The following SLC25A48 variants were observed in gnomAD, a reference collection of about 807,000 sequenced individuals.
SLC25A48 encodes CTC-321K16.1.
SLC25A48 carries 29 observed loss-of-function variants against 32.2 expected under a neutral mutation model. The ratio of observed to expected loss-of-function variants is 0.90; its 90% CI spans 0.67 to 1.23. The LOEUF is 1.23. Among genes scored for constraint, SLC25A48 ranks in the 50% most tolerant of loss-of-function variants. The probability of loss-of-function intolerance (pLI) is 0.00; values close to 1 mark genes in which losing one functional copy is unlikely to be tolerated. For missense variants in SLC25A48, 399 were observed against 422.7 expected, an observed-to-expected ratio of 0.94 and a Z score of 0.49; for synonymous variants, 164 against 172.3, an observed-to-expected ratio of 0.95 and a Z score of 0.38.
intron 3 of SLC25A48, among the ~76,000 whole-genome samples, chr5:135,738,458 T>C (rs1755428250): frequency 1.3e-5 from 2 of 152,178 alleles, no homozygotes; most frequent in Non-Finnish European, 2.9e-5. Flanking sequence ...TGACATTTGC[T>C]GCAGAAGGTG....
chr5:135,801,989 C>T (rs1757341378), intron 3 of SLC25A48, among the ~76,000 whole-genome samples: 1 of 151,586 alleles, frequency 6.6e-6, no homozygotes, highest in African/African-American at 2.4e-5. Flanking sequence ...TTATATTGTT[C>T]ATAATATCCA....
intron 3 of SLC25A48, among the ~76,000 whole-genome samples, chr5:135,702,503 C>CT (rs1754417060): frequency 6.6e-6 from 1 of 152,238 alleles, no homozygotes; most frequent in Non-Finnish European, 1.5e-5. Flanking sequence ...GAACACGGCC[C>CT]TGCCAATCCC....
chr5:135,664,096 C>T (rs1344995940), intron 3 of SLC25A48, among the ~76,000 whole-genome samples: 6 of 152,186 alleles, frequency 3.9e-5, no homozygotes, highest in Admixed American at 6.5e-5. Flanking sequence ...ATCCCATTGC[C>T]CACTGAATAA....
At chr5:135,800,512 G>A (rs527752847) in intron 3 of SLC25A48, among the ~76,000 whole-genome samples, 11 of 151,300 alleles carry the variant, frequency 7.3e-5, no homozygotes, top group South Asian at 6.3e-4. Flanking sequence ...TTTCAACATC[G>A]CAGGGGGTGT....
At chr5:135,867,394 A>T (rs1483201138) in intron 4 of SLC25A48, among the ~76,000 whole-genome samples, 1 of 152,190 alleles carries the variant, frequency 6.6e-6, no homozygotes, top group Non-Finnish European at 1.5e-5. Flanking sequence ...ATCAGCTTTT[A>T]AGAGTCATCA....
At chr5:135,724,521 T>C (rs1381642647) in intron 3 of SLC25A48, among the ~76,000 whole-genome samples, 1 of 152,198 alleles carries the variant, frequency 6.6e-6, no homozygotes, top group Non-Finnish European at 1.5e-5. Context: ...CGTCTCTCTT[T>C]GGGTAGAAAA....
At chr5:135,744,286 T>C (rs1293606764) in intron 3 of SLC25A48, among the ~76,000 whole-genome samples, 2 of 152,156 alleles carry the variant, frequency 1.3e-5, no homozygotes, top group African/African-American at 4.8e-5. Context: ...TCTGGCTCAA[T>C]AAACCTCCAC....
chr5:135,867,500 G>A (rs1238119500), intron 4 of SLC25A48, among the ~76,000 whole-genome samples: 3 of 152,126 alleles, frequency 2.0e-5, no homozygotes. Flanking sequence ...TGAGGCTCCT[G>A]GCAACCCCCC....
chr5:135,643,002 G>A (rs1198869395), intron 3 of SLC25A48, among the ~76,000 whole-genome samples: 2 of 152,182 alleles, frequency 1.3e-5, no homozygotes, highest in Non-Finnish European at 2.9e-5. Flanking sequence ...GAGCCAGGGC[G>A]GCAGCAACGC....
At chr5:135,806,092 C>T (rs774766540) in intron 3 of SLC25A48, among the ~76,000 whole-genome samples, 9 of 151,468 alleles carry the variant, frequency 5.9e-5, no homozygotes, top group Non-Finnish European at 7.4e-5. Flanking sequence ...TATTGTACAC[C>T]CTTTGCATTC....
intron 4 of SLC25A48, among the ~76,000 whole-genome samples, chr5:135,868,998 G>A (rs1036221060): frequency 1.3e-5 from 2 of 152,112 alleles, no homozygotes; most frequent in Non-Finnish European, 2.9e-5. Flanking sequence ...GAACACACAC[G>A]AGTGAGAAGG....
At chr5:135,863,900 T>C (rs192546800) in intron 4 of SLC25A48, among the ~76,000 whole-genome samples, 2 of 152,256 alleles carry the variant, frequency 1.3e-5, no homozygotes, top group East Asian at 3.9e-4. Flanking sequence ...AAGGCGTTCA[T>C]TTCCAAGTTG....
chr5:135,814,013 A>G (rs1757653276), intron 4 of SLC25A48, among the ~76,000 whole-genome samples: 1 of 152,152 alleles, frequency 6.6e-6, no homozygotes, highest in South Asian at 2.1e-4. Flanking sequence ...AGGAAACATG[A>G]AGGGCTGCTT....
chr5:135,823,855 C>T (rs1162827603), intron 4 of SLC25A48, among the ~76,000 whole-genome samples: 1 of 152,166 alleles, frequency 6.6e-6, no homozygotes, highest in Non-Finnish European at 1.5e-5. Context: ...TGCAGAGCCC[C>T]TGTGGCAGGA....
At chr5:135,769,944 G>T (rs1052650436) in intron 3 of SLC25A48, among the ~76,000 whole-genome samples, 4 of 150,792 alleles carry the variant, frequency 2.7e-5, no homozygotes, top group Admixed American at 6.6e-5. Flanking sequence ...GGGGGAGAAA[G>T]TATAGTATTA....
intron 3 of SLC25A48, among the ~76,000 whole-genome samples, chr5:135,711,022 G>A (rs970563979): frequency 6.6e-5 from 10 of 152,106 alleles, no homozygotes; most frequent in African/African-American, 2.4e-4. Context: ...TAGAAGCCTC[G>A]CCATAAAATA....
intron 3 of SLC25A48, among the ~76,000 whole-genome samples, chr5:135,685,493 T>TGCAATCTTGGC (rs1258815505): frequency 6.7e-6 from 1 of 148,154 alleles, no homozygotes; most frequent in East Asian, 2.0e-4. Context: ...AGTGCAATGG[T>TGCAATCTTGGC]GCAATCTTGG....
intron 2 of SLC25A48, among the ~76,000 whole-genome samples, chr5:135,633,497 A>G (rs542724188): frequency 3.2e-4 from 49 of 152,124 alleles, no homozygotes; most frequent in African/African-American, 1.2e-3. Context: ...ATGTGAGCGC[A>G]CAGCAAGAAG....
intron 3 of SLC25A48, among the ~76,000 whole-genome samples, chr5:135,731,025 C>T (rs1333569808): frequency 6.6e-6 from 1 of 152,140 alleles, no homozygotes; most frequent in African/African-American, 2.4e-5. Flanking sequence ...GAAGAGACCA[C>T]AAAACAGGCT....
Sources: gnomAD v4.1 joint callset for allele counts (sites outside exome capture counted in the v4.1 genomes callset) on GRCh38, gnomAD v4.1.1 for gene constraint, MANE v1.5 for transcripts, NCBI Gene and HGNC (gene_info 2026-07-23, HGNC 2026-07-21) for gene names.